SLIT2: variants seen among roughly 807,000 people sequenced by gnomAD.
SLIT2 encodes the protein slit guidance ligand 2, also known as slit homolog 2 protein.
In SLIT2, 41 loss-of-function variants were observed where a neutral mutation model predicts 185.7. That is an observed-to-expected ratio of 0.22 (90% CI 0.17 to 0.29). SLIT2 has a LOEUF of 0.29. Ranked by LOEUF, SLIT2 falls within the 10% of genes least tolerant of loss-of-function variation. The pLI, the probability that SLIT2 is intolerant of heterozygous loss-of-function variation, is 1.00. For synonymous variants in SLIT2, 693 were observed against 680.2 expected (o/e 1.02, Z -0.29); for missense variants, 1,571 against 1,909.0 (o/e 0.82, Z 3.30).
At chr4:20,332,271 A>G (rs1385116287) in intron 4 of SLIT2, among the ~76,000 whole-genome samples, 1 of 152,148 alleles carries the variant, frequency 6.6e-6, no homozygotes. Context: ...TAAAATGTGC[A>G]AGTGAAGTGG....
At chr4:20,564,532 C>A (rs1330388966) in intron 26 of SLIT2, among the ~76,000 whole-genome samples, 1 of 151,902 alleles carries the variant, frequency 6.6e-6, no homozygotes, top group Non-Finnish European at 1.5e-5. Context: ...ACCCTTCACT[C>A]AAACTCAAGT....
At chr4:20,293,120 C>T (rs1716129702) in intron 4 of SLIT2, among the ~76,000 whole-genome samples, 1 of 152,176 alleles carries the variant, frequency 6.6e-6, no homozygotes, top group Non-Finnish European at 1.5e-5. Context: ...AAGGTGTGCT[C>T]ATTGACTGGG....
chr4:20,569,488 T>C (rs1725381334), intron 29 of SLIT2, among the ~76,000 whole-genome samples: 2 of 152,102 alleles, frequency 1.3e-5, no homozygotes, highest in African/African-American at 4.8e-5. Flanking sequence ...GCACTTTGGA[T>C]AGTCTTATAA....
chr4:20,472,460 CTATATCTATATATAGATA>C (rs1157013291), intron 5 of SLIT2, among the ~76,000 whole-genome samples: 3 of 26,358 alleles, frequency 1.1e-4, no homozygotes, highest in Admixed American at 6.5e-4. Context: ...ATAGATATAT[CTATATCTATATATAGATA>C]TATATCTATA....
chr4:20,523,586 T>C (rs958070490), intron 12 of SLIT2, among the ~76,000 whole-genome samples, 174 bp from the exon 13 acceptor site: 1 of 152,232 alleles, frequency 6.6e-6, no homozygotes, highest in African/African-American at 2.4e-5. Flanking sequence ...ACTTTTGTTA[T>C]GTGGTAAAAC....
intron 29 of SLIT2, chr4:20,569,328 C>A: frequency 3.4e-6 from 1 of 291,466 alleles, no homozygotes; most frequent in Non-Finnish European, 6.6e-6. Context: ...AAACCAATCC[C>A]CAGTACCTGT....
intron 21 of SLIT2, among the ~76,000 whole-genome samples, 186 bp downstream of exon 21, chr4:20,542,812 C>CTGTG (rs753747459): frequency 0.013 from 1,419 of 111,002 alleles, 12 homozygotes; most frequent in African/African-American, 0.015. Flanking sequence ...TTGGGAATTG[C>CTGTG]TGTGTGTGTG....
At chr4:20,585,153 T>C (rs1726952096) in intron 29 of SLIT2, among the ~76,000 whole-genome samples, 1 of 152,242 alleles carries the variant, frequency 6.6e-6, no homozygotes, top group African/African-American at 2.4e-5. Context: ...AAGAAAGTTC[T>C]GGCATTCGCA....
intron 26 of SLIT2, among the ~76,000 whole-genome samples, chr4:20,558,360 G>T (rs959787155): frequency 1.3e-5 from 2 of 151,980 alleles, no homozygotes; most frequent in Non-Finnish European, 2.9e-5. Context: ...AGTCTCACCA[G>T]CCACTAACTC....
At chr4:20,537,018 A>T (rs1173355494) in intron 18 of SLIT2, among the ~76,000 whole-genome samples, 2 of 152,136 alleles carry the variant, frequency 1.3e-5, no homozygotes, top group Non-Finnish European at 2.9e-5. Flanking sequence ...GCAAGGAGCT[A>T]TCATCTCCTA....
rs1189808645 is a variant in SLIT2 at position 20,252,960 on chromosome 4, A to C, written c.-856A>C. On this transcript the variant is annotated 5_prime_UTR_variant, in exon 1 of 37. Coordinates refer to ENST00000504154, the MANE Select transcript of SLIT2 (RefSeq NM_004787.4). Reference sequence around the variant, plus strand: ...CTCGCCGGAGTGCTGACTAGTGGATATTTCTGCCCGGCTGCGGCGGCCCGA... The same window carrying C: ...CTCGCCGGAGTGCTGACTAGTGGATCTTTCTGCCCGGCTGCGGCGGCCCGA... Among the ~76,000 whole-genome samples, 1 of 152,030 alleles carries C rather than the reference A, an allele frequency of 6.6e-6. No homozygotes were observed.
intron 29 of SLIT2, among the ~76,000 whole-genome samples, chr4:20,583,335 A>C (rs886432053): frequency 5.3e-5 from 8 of 152,192 alleles, no homozygotes; most frequent in African/African-American, 1.9e-4. Context: ...TAATTATTTG[A>C]AAAAGCTATA....
In SLIT2 at chr4:20,253,808, G is replaced by A; in HGVS notation, c.-8G>A. The A allele has an allele frequency of 6.3e-7, 1 of 1,597,546 alleles. No homozygotes were observed. The highest frequency in any genetic ancestry group is 8.5e-7 in the Non-Finnish European group (1 of 1,178,680). On this transcript the variant is annotated 5_prime_UTR_variant, in exon 1 of 37. Transcript: ENST00000504154. ...CAGTGCCGGCGAGGAAGGAGGCGGC[G>A]GGGAAAGATGCGCGGCGTTGGCTGG... is the stretch of plus-strand genomic sequence containing the variant.
At chr4:20,432,792 T>C (rs1475779063) in intron 4 of SLIT2, among the ~76,000 whole-genome samples, 1 of 152,240 alleles carries the variant, frequency 6.6e-6, no homozygotes, top group Admixed American at 6.5e-5. Flanking sequence ...GATTCATTAC[T>C]TTAATTGCAA....
chr4:20,363,827 T>G (rs1470917596), intron 4 of SLIT2, among the ~76,000 whole-genome samples: 1 of 152,136 alleles, frequency 6.6e-6, no homozygotes, highest in Admixed American at 6.6e-5. Flanking sequence ...TGCAACTATT[T>G]ATAAGAGAAC....
At chr4:20,350,150 C>T (rs1721745183) in intron 4 of SLIT2, among the ~76,000 whole-genome samples, 1 of 152,144 alleles carries the variant, frequency 6.6e-6, no homozygotes, top group Non-Finnish European at 1.5e-5. Context: ...AAGTTTAAAT[C>T]TTGTTCCTTA....
chr4:20,365,101 T>A (rs747382783), intron 4 of SLIT2, among the ~76,000 whole-genome samples: 1 of 152,172 alleles, frequency 6.6e-6, no homozygotes, highest in Non-Finnish European at 1.5e-5. Flanking sequence ...GTGCTCGTTC[T>A]GCAAGTATTT....
intron 4 of SLIT2, among the ~76,000 whole-genome samples, chr4:20,431,637 T>C (rs567698382): frequency 9.2e-5 from 14 of 152,208 alleles, no homozygotes; most frequent in Non-Finnish European, 1.8e-4. Flanking sequence ...TGGCATCTTC[T>C]ACAGAGACAG....
In SLIT2 at chr4:20,589,900, C is replaced by CA. The variant is rs752265938; in HGVS notation, c.3182+163_3182+164insA. Among the ~76,000 whole-genome samples the CA allele has an allele frequency of 7.1e-5, 6 of 84,502 alleles. No homozygotes were observed. The Admixed American group carries it at 8.9e-4, about 13-fold the overall frequency. The allele number at this position is 84,502 out of a possible 152,430, so 55.4% of individuals were successfully genotyped here. A position where few individuals can be genotyped will look rare whatever the true frequency, so the allele number is the denominator to read the frequency against. On this transcript the variant is annotated intron_variant, in intron 30 of 36. Transcript: ENST00000504154. Reference sequence around the variant, plus strand: ...TTTAAATGTCGATATACAATATGGACTTTTTTTTTTTTTTTTTTTTTTTTG... The same window carrying CA: ...TTTAAATGTCGATATACAATATGGACATTTTTTTTTTTTTTTTTTTTTTTTG...
Sources: allele counts gnomAD v4.1 joint callset (sites outside exome capture counted in the v4.1 genomes callset), GRCh38; gene constraint gnomAD v4.1.1; transcripts MANE v1.5; gene names NCBI Gene and HGNC (gene_info 2026-07-23, HGNC 2026-07-21).